The following FAM47E variants were observed in gnomAD, a reference collection of about 807,000 sequenced individuals.
FAM47E encodes protein FAM47E.
FAM47E carries 32 observed loss-of-function variants against 41.6 expected under a neutral mutation model. That is an observed-to-expected ratio of 0.77 (90% CI 0.58 to 1.03). FAM47E has a LOEUF of 1.03. FAM47E is among the 50% of genes least tolerant of loss of function. FAM47E has a pLI of 0.00. For missense variants in FAM47E, 424 were observed against 485.4 expected (o/e 0.87, Z 1.19); for synonymous variants, 184 against 188.7 (o/e 0.98, Z 0.20).
chr4:76,229,691 CTT>C (rs1733460720), intron 2 of FAM47E, among the ~76,000 whole-genome samples: 1 of 152,180 alleles, frequency 6.6e-6, no homozygotes, highest in Non-Finnish European at 1.5e-5. Flanking sequence ...TGTGATCCAT[CTT>C]CAGGTTTCCC....
chr4:76,273,185 G>T (rs541949787), intron 5 of FAM47E, among the ~76,000 whole-genome samples: 15 of 152,298 alleles, frequency 9.8e-5, no homozygotes, highest in Admixed American at 4.6e-4. Context: ...GGATACTCTG[G>T]ACAAAGAGAT....
At chr4:76,241,505 G>C (rs2904215) in intron 2 of FAM47E, among the ~76,000 whole-genome samples, 113,798 of 151,920 alleles carry the variant, frequency 0.75, 43,189 homozygotes, top group East Asian at 0.82. Flanking sequence ...GTGCAAACTG[G>C]TCCAGGAACA....
intron 2 of FAM47E, among the ~76,000 whole-genome samples, chr4:76,233,692 G>C (rs1406910960): frequency 1.3e-5 from 2 of 152,058 alleles, no homozygotes; most frequent in Non-Finnish European, 2.9e-5. Context: ...AAGAGACAGG[G>C]CTAGGAAAAC....
At chr4:76,280,862 C>G (rs1483099673) in intron 7 of FAM47E, 1 of 152,622 alleles carries the variant, frequency 6.6e-6, no homozygotes, top group Non-Finnish European at 1.5e-5. Context: ...TGTCTTCTGT[C>G]TTTTTTCCCT....
At chr4:76,245,342 T>A (rs1733802671) in intron 2 of FAM47E, among the ~76,000 whole-genome samples, 1 of 152,118 alleles carries the variant, frequency 6.6e-6, no homozygotes, top group Admixed American at 6.5e-5. Context: ...AGACTGGCAA[T>A]AATAGGAAAC....
At chr4:76,247,089 A>C (rs1299239826), upstream of FAM47E, among the ~76,000 whole-genome samples, 1 of 152,084 alleles carries the variant, frequency 6.6e-6, no homozygotes, top group Non-Finnish European at 1.5e-5. Context: ...CTCTGTATCC[A>C]TTATGCACTA....
rs1578799719 is a variant in FAM47E at position 76,274,105 on chromosome 4, T to C, written c.870+2337T>C. On this transcript the variant is annotated intron_variant, in intron 5 of 7. Transcript: ENST00000424749. ...CACTAGGTGATTTGTCTCCTCATTATGGGTCATACTTTCCTGAATCTCTGT... is the reference window on the plus strand; with the variant it reads ...CACTAGGTGATTTGTCTCCTCATTACGGGTCATACTTTCCTGAATCTCTGT... 2.0e-5 allele frequency among the ~76,000 whole-genome samples: 3 copies of C among 152,240 alleles called. No individual in the cohort carries two copies. In the South Asian group the frequency reaches 6.2e-4, roughly 32 times the overall value.
At chr4:76,250,365 G>T (rs1027544553), upstream of FAM47E, among the ~76,000 whole-genome samples, 9 of 152,008 alleles carry the variant, frequency 5.9e-5, no homozygotes, top group African/African-American at 1.2e-4. Flanking sequence ...CTTCTTTTGA[G>T]AATTGTCTAT....
At chr4:76,228,982 T>C (rs962783619) in intron 2 of FAM47E, among the ~76,000 whole-genome samples, 2 of 152,196 alleles carry the variant, frequency 1.3e-5, no homozygotes, top group Non-Finnish European at 2.9e-5. Flanking sequence ...ATTCTTAGGG[T>C]TGGCTGTTTA....
At chr4:76,257,235 A>G (rs1734231309) in intron 2 of FAM47E, among the ~76,000 whole-genome samples, 1 of 152,134 alleles carries the variant, frequency 6.6e-6, no homozygotes, top group African/African-American at 2.4e-5. Context: ...CATCTCTTTC[A>G]TCTGACTACT....
At chr4:76,235,380 T>A (rs1362965346) in intron 2 of FAM47E, among the ~76,000 whole-genome samples, 1 of 152,130 alleles carries the variant, frequency 6.6e-6, no homozygotes, top group African/African-American at 2.4e-5. Context: ...TTTTAAAATA[T>A]AATTCTAAGC....
At chr4:76,226,894 GC>G (rs1471391854) in intron 2 of FAM47E, among the ~76,000 whole-genome samples, 1 of 152,046 alleles carries the variant, frequency 6.6e-6, no homozygotes, top group African/African-American at 2.4e-5. Flanking sequence ...TTCTAATTGA[GC>G]TTTTTTGAAT....
At chr4:76,251,562 C>T, upstream of FAM47E, 1 of 1,217,382 alleles carries the variant, frequency 8.2e-7, no homozygotes, top group South Asian at 2.3e-5. Context: ...CCTCTCCCTT[C>T]CCTCGGCCAG....
intron 2 of FAM47E, among the ~76,000 whole-genome samples, chr4:76,241,885 T>C (rs1280513250): frequency 6.6e-6 from 1 of 152,226 alleles, no homozygotes; most frequent in East Asian, 1.9e-4. Context: ...AAATCCTTTA[T>C]AGAAGCTGCA....
At position 76,283,549 on chromosome 4, in the gene FAM47E, T is replaced by C. The variant is rs545447227; in HGVS notation, c.*91T>C. The C allele has an allele frequency of 2.6e-6, 2 of 783,022 alleles. No homozygotes were observed. Among genetic ancestry groups the C allele is most frequent in the Admixed American group, 2.3e-5 (1 of 44,396 alleles). The allele number at this position is 783,022 out of a possible 1,614,324, so 48.5% of individuals were successfully genotyped here. On this transcript the variant is annotated 3_prime_UTR_variant, in exon 8 of 8. Transcript: ENST00000424749. ...TTTAAAGATTAAACAGAGTTTATGA[T>C]GAGTGTCCCACTGTGGATGTTCAAC...
At chr4:76,262,939 T>A (rs115569409) in intron 2 of FAM47E, among the ~76,000 whole-genome samples, 3,742 of 152,190 alleles carry the variant, frequency 0.025, 153 homozygotes, top group African/African-American at 0.08. Flanking sequence ...TTTAAAAAAA[T>A]TTTTTAAATA....
chr4:76,242,180 T>C (rs1212452981), intron 2 of FAM47E, among the ~76,000 whole-genome samples: 2 of 152,226 alleles, frequency 1.3e-5, no homozygotes, highest in South Asian at 2.1e-4. Flanking sequence ...CATGTTAAAA[T>C]GTAATCCCCA....
In FAM47E at chr4:76,251,779, G is replaced by C; in HGVS notation, c.33G>C (p.Gly11=). The part of the protein sequence containing the change: MADRRRRLRP[G]TLAPVREGVN... ...ACCGCAGGCGGCGGCTCCGGCCGGG[G>C]ACGTTGGCCCCGGTGCGCGAGGGCG... The change falls in exon 1 of 8, where the codon GGG becomes GGC. Residue 11 remains glycine, a synonymous_variant. Coordinates refer to ENST00000424749, the MANE Select transcript of FAM47E (RefSeq NM_001136570.3). 1 of 1,491,294 alleles carries C rather than the reference G, an allele frequency of 6.7e-7. No individual in the cohort carries two copies. Among genetic ancestry groups the C allele is most frequent in the Non-Finnish European group, 8.9e-7 (1 of 1,127,012 alleles). 92.4% of individuals were successfully genotyped at this position (1,491,294 alleles called of 1,614,324 possible).
intron 1 of FAM47E, among the ~76,000 whole-genome samples, chr4:76,255,869 C>T (rs1734168624): frequency 6.6e-6 from 1 of 152,084 alleles, no homozygotes. Context: ...AGGATGTGTA[C>T]AAACAAAGGA....
Sources: allele counts gnomAD v4.1 joint callset (sites outside exome capture counted in the v4.1 genomes callset), GRCh38; gene constraint gnomAD v4.1.1; transcripts MANE v1.5; gene names NCBI Gene and HGNC (gene_info 2026-07-23, HGNC 2026-07-21).